DLGAP2: variants seen among roughly 807,000 people sequenced by gnomAD.
DLGAP2 encodes the protein DLG associated protein 2, also known as disks large-associated protein 2.
Under a neutral mutation model 100.3 loss-of-function variants are expected in DLGAP2, and 26 were observed. The ratio of observed to expected loss-of-function variants is 0.26; its 90% CI spans 0.19 to 0.36. The LOEUF (loss-of-function observed/expected upper bound fraction) is 0.36, where lower values mean the gene tolerates loss of function less well. Among genes scored for constraint, DLGAP2 ranks in the 10% least tolerant of loss-of-function variants. DLGAP2 has a pLI of 1.00. For synonymous variants in DLGAP2, 886 were observed against 630.1 expected (o/e 1.41, Z -6.08); for missense variants, 1,858 against 1,453.2 (o/e 1.28, Z -4.53).
Position 1,267,599 on chromosome 8 carries a change from AAGATAAGATAAGATAAGATAAGAT to A in DLGAP2, c.106+8718_106+8741del, listed in dbSNP as rs1449933821. ...AAAATAAAATAAAATAAGATAAGAT[AAGATAAGATAAGATAAGATAAGAT>A]AAATATTAAATAGGTCTACAAAAAG... On this transcript the variant is annotated intron_variant, in intron 3 of 14. Coordinates refer to ENST00000637795, the MANE Select transcript of DLGAP2 (RefSeq NM_001346810.2). Among the ~76,000 whole-genome samples, 22 of 71,710 alleles carry A rather than the reference AAGATAAGATAAGATAAGATAAGAT, an allele frequency of 3.1e-4. 2 individuals carry two copies. Among genetic ancestry groups the A allele is most frequent in the African/African-American group, 4.9e-4 (7 of 14,336 alleles). 47.0% of individuals were successfully genotyped at this position (71,710 alleles called of 152,430 possible).
At chr8:1,164,587 C>T (rs571527645) in intron 2 of DLGAP2, among the ~76,000 whole-genome samples, 2 of 152,176 alleles carry the variant, frequency 1.3e-5, no homozygotes, top group South Asian at 4.2e-4. Context: ...TATTCTAAGC[C>T]CAGATGCCAC....
chr8:1,093,391 C>T (rs960642262), intron 2 of DLGAP2, among the ~76,000 whole-genome samples: 8 of 112,734 alleles, frequency 7.1e-5, no homozygotes, highest in Non-Finnish European at 1.1e-4. Flanking sequence ...ACAGCCAGAC[C>T]GAAACACCTT....
chr8:1,130,094 A>G (rs570220723), intron 2 of DLGAP2, among the ~76,000 whole-genome samples: 620 of 3,050 alleles, frequency 0.2, 2 homozygotes, highest in Non-Finnish European at 0.27. Context: ...CGTGTCAGAC[A>G]CTTCACGCGA....
intron 3 of DLGAP2, among the ~76,000 whole-genome samples, chr8:1,383,911 G>T (rs936174455): frequency 6.6e-6 from 1 of 151,984 alleles, no homozygotes; most frequent in African/African-American, 2.4e-5. Flanking sequence ...TGACAGGAAG[G>T]TCATTTCACT....
chr8:1,151,623 T>G (rs1796699069), intron 2 of DLGAP2, among the ~76,000 whole-genome samples: 2 of 152,080 alleles, frequency 1.3e-5, no homozygotes, highest in Non-Finnish European at 2.9e-5. Context: ...TGCACTGGCT[T>G]TAGGTAGAAA....
In DLGAP2 at chr8:1,521,956, C is replaced by CGGG. The variant is rs200068459; in HGVS notation, c.172+20527_172+20528insGGG. Among the ~76,000 whole-genome samples, 391 of 133,038 alleles carry CGGG rather than the reference C, an allele frequency of 2.9e-3. 26 individuals are homozygous for CGGG. Among genetic ancestry groups the CGGG allele is most frequent in the African/African-American group, 0.011 (369 of 32,274 alleles). 87.3% of individuals were successfully genotyped at this position (133,038 alleles called of 152,430 possible). A position where few individuals can be genotyped will look rare whatever the true frequency, so the allele number is the denominator to read the frequency against. On this transcript the variant is annotated intron_variant, in intron 4 of 14. Transcript: ENST00000637795. ...CACACTTGTTTTAATTTGGAATACT[C>CGGG]GGCAGCTGATATGGGGCGTCTCTGG... is the stretch of plus-strand genomic sequence containing the variant.
chr8:1,144,195 A>T (rs968029232), intron 2 of DLGAP2, among the ~76,000 whole-genome samples: 2 of 152,216 alleles, frequency 1.3e-5, no homozygotes, highest in African/African-American at 4.8e-5. Context: ...GCGCGTTTTC[A>T]CCGCCCTGTG....
chr8:1,459,877 G>C (rs540794930), intron 3 of DLGAP2, among the ~76,000 whole-genome samples: 4 of 151,888 alleles, frequency 2.6e-5, no homozygotes, highest in Non-Finnish European at 5.9e-5. Flanking sequence ...GTAGAGACAG[G>C]GTTTCACCAT....
At position 1,351,121 on chromosome 8, in the gene DLGAP2, A is replaced by G. The variant is rs370769995; in HGVS notation, c.106+92238A>G. 8.1e-3 allele frequency among the ~76,000 whole-genome samples: 26 copies of G among 3,198 alleles called. 5 individuals are homozygous for G. The highest frequency in any genetic ancestry group is 0.029 in the Admixed American group (5 of 170). The allele number at this position is 3,198 out of a possible 152,430, so 2.1% of individuals were successfully genotyped here. On this transcript the variant is annotated intron_variant, in intron 3 of 14. Transcript: ENST00000637795. ...GACTGTGTGTGGAAAGGCCGTGCAGATCCTGAGTGTGTGTGGAAACACCGT... is the reference window on the plus strand; with the variant it reads ...GACTGTGTGTGGAAAGGCCGTGCAGGTCCTGAGTGTGTGTGGAAACACCGT...
intron 2 of DLGAP2, among the ~76,000 whole-genome samples, chr8:1,091,576 C>T (rs1359293226): frequency 6.6e-6 from 1 of 152,228 alleles, no homozygotes; most frequent in Non-Finnish European, 1.5e-5. Flanking sequence ...CAGCCAAGAG[C>T]CCGCAGTGAT....
intron 5 of DLGAP2, chr8:1,565,392 A>G (rs1244731997): frequency 3.0e-6 from 1 of 329,896 alleles, no homozygotes; most frequent in East Asian, 4.8e-5. Context: ...AATTTTAGCC[A>G]GTGCTTTGTC....
intron 5 of DLGAP2, among the ~76,000 whole-genome samples, chr8:1,554,830 G>A (rs963316806): frequency 4.0e-5 from 6 of 151,672 alleles, no homozygotes; most frequent in South Asian, 2.1e-4. Context: ...GAAGGCTGGC[G>A]TTGTGGCTTA....
intron 1 of DLGAP2, among the ~76,000 whole-genome samples, chr8:904,184 G>A (rs1001938866): frequency 2.6e-5 from 4 of 152,202 alleles, no homozygotes; most frequent in African/African-American, 7.2e-5. Flanking sequence ...CAGTGTGACC[G>A]GGCACCCAGA....
At chr8:1,615,709 G>A (rs1489734951) in intron 6 of DLGAP2, among the ~76,000 whole-genome samples, 1 of 151,550 alleles carries the variant, frequency 6.6e-6, no homozygotes, top group African/African-American at 2.4e-5. Context: ...CCATTGTAAG[G>A]TCTTATGAAT....
intron 2 of DLGAP2, among the ~76,000 whole-genome samples, chr8:1,029,795 G>A (rs113836298): frequency 3.5e-3 from 531 of 152,300 alleles, no homozygotes; most frequent in Non-Finnish European, 5.7e-3. Flanking sequence ...CCAAAAATGC[G>A]TCCTTGTCTG....
At chr8:1,293,599 C>G (rs1454676112) in intron 3 of DLGAP2, among the ~76,000 whole-genome samples, 2 of 152,114 alleles carry the variant, frequency 1.3e-5, no homozygotes, top group Non-Finnish European at 2.9e-5. Context: ...ATTTATTTGT[C>G]ACAGCCTCAG....
At chr8:866,314 C>G (rs1797495590) in intron 1 of DLGAP2, among the ~76,000 whole-genome samples, 1 of 152,216 alleles carries the variant, frequency 6.6e-6, no homozygotes, top group Admixed American at 6.5e-5. Context: ...AGTGTCTTGT[C>G]CAGGAAACGT....
At chr8:1,563,284 C>T (rs1245921805) in intron 5 of DLGAP2, among the ~76,000 whole-genome samples, 1 of 46,552 alleles carries the variant, frequency 2.1e-5, no homozygotes, top group African/African-American at 9.5e-5. Flanking sequence ...CGCCTCGTTG[C>T]TGGGGGACTG....
chr8:904,148 T>C lies in DLGAP2; in HGVS notation c.19-3764T>C, dbSNP rs1798325860. On this transcript the variant is annotated intron_variant, in intron 1 of 14. Transcript: ENST00000637795. The stretch of plus-strand genomic sequence containing the variant: ...ATATGACGAGGCCACTGGCCACACG[T>C]AGCCTGTGAGCATGTGGTGTGTGGA... Among the ~76,000 whole-genome samples the C allele has an allele frequency of 1.3e-5, 2 of 152,212 alleles. 1 individual carries two copies. Among genetic ancestry groups the C allele is most frequent in the Admixed American group, 1.3e-4 (2 of 15,286 alleles).
Sources: allele counts gnomAD v4.1 joint callset (sites outside exome capture counted in the v4.1 genomes callset), GRCh38; gene constraint gnomAD v4.1.1; transcripts MANE v1.5; gene names NCBI Gene and HGNC (gene_info 2026-07-23, HGNC 2026-07-21).